Variants in GPC5 observed in about 807,000 individuals in gnomAD.
GPC5 encodes glypican 5.
In GPC5, 47 loss-of-function variants were observed where a neutral mutation model predicts 53.9. The ratio of observed to expected loss-of-function variants is 0.87; its 90% confidence interval spans 0.69 to 1.11. The LOEUF (loss-of-function observed/expected upper bound fraction) is 1.11. Ranked by LOEUF, GPC5 falls within the 50% of genes most tolerant of loss-of-function variation. The pLI, the probability that GPC5 is intolerant of heterozygous loss-of-function variation, is 0.00. For synonymous variants in GPC5, 286 were observed against 263.3 expected (o/e 1.09, Z -0.84); for missense variants, 748 against 713.1 (o/e 1.05, Z -0.56).
chr13:91,909,560 G>A (rs1462268016), intron 6 of GPC5, among the ~76,000 whole-genome samples: 22 of 151,968 alleles, frequency 1.4e-4, no homozygotes, highest in Non-Finnish European at 2.9e-4. Context: ...ATATATTAGT[G>A]CAATAGCACA....
intron 5 of GPC5, among the ~76,000 whole-genome samples, chr13:91,771,749 T>A (rs2037629010): frequency 1.3e-5 from 2 of 152,206 alleles, no homozygotes; most frequent in Non-Finnish European, 2.9e-5. Flanking sequence ...ATTAAAAATA[T>A]AATGATTCAT....
At chr13:91,714,374 C>G (rs1021895117) in intron 3 of GPC5, among the ~76,000 whole-genome samples, 2 of 152,150 alleles carry the variant, frequency 1.3e-5, no homozygotes, top group Non-Finnish European at 2.9e-5. Context: ...TACAATCACA[C>G]ACACACACCG....
chr13:92,854,763 C>T (rs961079739), intron 7 of GPC5, among the ~76,000 whole-genome samples: 5 of 151,776 alleles, frequency 3.3e-5, no homozygotes, highest in Admixed American at 6.6e-5. Flanking sequence ...TTTTTTGAGT[C>T]GAGTTCCTTA....
intron 2 of GPC5, among the ~76,000 whole-genome samples, chr13:91,503,609 G>C (rs1047161462): frequency 6.6e-6 from 1 of 151,386 alleles, no homozygotes; most frequent in African/African-American, 2.4e-5. Flanking sequence ...GTGAAACCCT[G>C]TCTCTATTAA....
intron 7 of GPC5, among the ~76,000 whole-genome samples, chr13:92,457,421 T>G (rs1202109754): frequency 4.6e-5 from 7 of 151,958 alleles, no homozygotes; most frequent in Non-Finnish European, 1.0e-4. Context: ...CCCTTCTCCT[T>G]CCCCAGTTGT....
At chr13:92,553,342 T>C (rs1157158247) in intron 7 of GPC5, among the ~76,000 whole-genome samples, 1 of 151,980 alleles carries the variant, frequency 6.6e-6, no homozygotes, top group African/African-American at 2.4e-5. Flanking sequence ...TGTATTACTT[T>C]AGTCCTCATA....
chr13:92,793,082 AT>A (rs1876523951), intron 7 of GPC5, among the ~76,000 whole-genome samples: 1 of 152,072 alleles, frequency 6.6e-6, no homozygotes, highest in African/African-American at 2.4e-5. Context: ...CAGAATATAC[AT>A]TTTTCTCAGC....
At chr13:92,500,990 C>A (rs1416524034) in intron 7 of GPC5, among the ~76,000 whole-genome samples, 1 of 151,832 alleles carries the variant, frequency 6.6e-6, no homozygotes, top group Non-Finnish European at 1.5e-5. Context: ...ATCTATAAAA[C>A]AAAAGTGGAG....
In GPC5 at chr13:92,518,410, C is replaced by G. The variant is rs185822213; in HGVS notation, c.1562-347872C>G. Reference sequence around the variant, plus strand: ...GGGTTACCCACAAAGGGAACCCCATCAGACTAACAGCAGATCTCTCGGCAG... The same window carrying G: ...GGGTTACCCACAAAGGGAACCCCATGAGACTAACAGCAGATCTCTCGGCAG... On this transcript the variant is annotated intron_variant, in intron 7 of 7. Transcript: ENST00000377067. 1.3e-3 allele frequency among the ~76,000 whole-genome samples: 194 copies of G among 152,262 alleles called. 1 individual carries two copies. The highest frequency in any genetic ancestry group is 2.1e-3 in the Non-Finnish European group (145 of 68,026).
chr13:91,455,125 A>G (rs1256846341), intron 2 of GPC5, among the ~76,000 whole-genome samples: 1 of 152,026 alleles, frequency 6.6e-6, no homozygotes, highest in Non-Finnish European at 1.5e-5. Context: ...GTTGATGGAT[A>G]TTTTAATAAT....
intron 6 of GPC5, among the ~76,000 whole-genome samples, chr13:91,981,365 C>G (rs904433578): frequency 2.6e-5 from 4 of 151,606 alleles, no homozygotes; most frequent in African/African-American, 9.7e-5. Flanking sequence ...TCTCGGCTCA[C>G]TGCAAGCTCC....
intron 7 of GPC5, among the ~76,000 whole-genome samples, chr13:92,454,073 A>G (rs904997988): frequency 8.5e-5 from 13 of 152,204 alleles, no homozygotes; most frequent in African/African-American, 3.1e-4. Context: ...AGTGTTAAAC[A>G]TATGTTCATG....
At chr13:92,851,400 A>G (rs1878795373) in intron 7 of GPC5, among the ~76,000 whole-genome samples, 1 of 152,220 alleles carries the variant, frequency 6.6e-6, no homozygotes, top group Admixed American at 6.5e-5. Flanking sequence ...AGACGCTGGA[A>G]GAGTCTTCTC....
chr13:91,589,219 C>T (rs1006992014), intron 2 of GPC5, among the ~76,000 whole-genome samples: 3 of 152,050 alleles, frequency 2.0e-5, no homozygotes, highest in Non-Finnish European at 4.4e-5. Flanking sequence ...TTCTAATCCT[C>T]CTGCCTTTTA....
chr13:91,686,900 T>G (rs549604254), intron 2 of GPC5, among the ~76,000 whole-genome samples: 5 of 152,080 alleles, frequency 3.3e-5, no homozygotes, highest in Non-Finnish European at 7.4e-5. Context: ...AAATGCAAAT[T>G]CGCTCTGAAA....
At chr13:92,509,139 C>G (rs1880475848) in intron 7 of GPC5, among the ~76,000 whole-genome samples, 1 of 152,120 alleles carries the variant, frequency 6.6e-6, no homozygotes, top group Admixed American at 6.6e-5. Flanking sequence ...GTGAAGAATT[C>G]CATGGTATAG....
rs1265326400 is a variant in GPC5 at position 92,866,961 on chromosome 13, G to A, written c.*522G>A. 1 of 152,122 alleles carries A rather than the reference G, an allele frequency of 6.6e-6. No homozygotes were observed. The highest frequency in any genetic ancestry group is 1.5e-5 in the Non-Finnish European group (1 of 68,022). 9.4% of individuals were successfully genotyped at this position (152,122 alleles called of 1,614,324 possible). A position where few individuals can be genotyped will look rare whatever the true frequency, so the allele number is the denominator to read the frequency against. On this transcript the variant is annotated 3_prime_UTR_variant, in exon 8 of 8. Transcript: ENST00000377067. ...AAGCTGTAGAAGGAAATGTCTGAATGTCTATAAGTTATGGGGTAGATTCTT... is the reference window on the plus strand; with the variant it reads ...AAGCTGTAGAAGGAAATGTCTGAATATCTATAAGTTATGGGGTAGATTCTT...
intron 5 of GPC5, among the ~76,000 whole-genome samples, chr13:91,841,650 T>G (rs1404764901): frequency 6.6e-6 from 1 of 151,772 alleles, no homozygotes; most frequent in Non-Finnish European, 1.5e-5. Flanking sequence ...TAAGAAGGCA[T>G]TGGATTTATA....
At chr13:92,323,537 T>A (rs1337420002) in intron 7 of GPC5, among the ~76,000 whole-genome samples, 3 of 151,702 alleles carry the variant, frequency 2.0e-5, no homozygotes, top group African/African-American at 7.2e-5. Flanking sequence ...TGTAGGCATA[T>A]ATAATATATT....
Sources: allele counts gnomAD v4.1 joint callset (sites outside exome capture counted in the v4.1 genomes callset), GRCh38; gene constraint gnomAD v4.1.1; transcripts MANE v1.5; gene names NCBI Gene and HGNC (gene_info 2026-07-23, HGNC 2026-07-21).